FRS2: variants seen among roughly 807,000 people sequenced by gnomAD.
The protein encoded by FRS2 is fibroblast growth factor receptor substrate 2.
In FRS2, 8 loss-of-function variants were observed where a neutral mutation model predicts 43.9. The observed-to-expected ratio is 0.18, with a 90% CI of 0.11 to 0.33. The LOEUF (loss-of-function observed/expected upper bound fraction) is 0.33, where lower values mean the gene tolerates loss of function less well. Among genes scored for constraint, FRS2 ranks in the 10% least tolerant of loss-of-function variants. The pLI is 1.00. For synonymous variants in FRS2, 219 were observed against 220.3 expected (o/e 0.99, Z 0.05); for missense variants, 534 against 627.6 (o/e 0.85, Z 1.59).
chr12:69,481,874 C>T (rs973843569), intron 1 of FRS2, among the ~76,000 whole-genome samples: 1 of 152,102 alleles, frequency 6.6e-6, no homozygotes, highest in Admixed American at 6.5e-5. Context: ...ATACATAATG[C>T]CCACTTGCCC....
intron 3 of FRS2, among the ~76,000 whole-genome samples, chr12:69,557,619 T>TGTGTGTGTGTGTGCGCGC (rs1555192498): frequency 4.0e-4 from 48 of 119,020 alleles, no homozygotes; most frequent in East Asian, 2.2e-3. Context: ...TGTGTGTGTG[T>TGTGTGTGTGTGTGCGCGC]GCGCGCGCGC....
chr12:69,496,684 T>G (rs934789143), intron 1 of FRS2, among the ~76,000 whole-genome samples: 1 of 152,228 alleles, frequency 6.6e-6, no homozygotes, highest in African/African-American at 2.4e-5. Context: ...TTTATCATTA[T>G]TAGGAAACAC....
chr12:69,485,330 C>T (rs1334417083), intron 1 of FRS2, among the ~76,000 whole-genome samples: 1 of 151,862 alleles, frequency 6.6e-6, no homozygotes, highest in East Asian at 1.9e-4. Context: ...CTACAGGCGC[C>T]CGACACCACG....
At position 69,495,040 on chromosome 12, in the gene FRS2, G is replaced by A. The variant is rs190434942; in HGVS notation, c.-261+24510G>A. ...CCCACCTTGGCCTCCCAAAGTGCTGGGATTACAGGCATGAACCACCTCGCC... is the reference window on the plus strand; with the variant it reads ...CCCACCTTGGCCTCCCAAAGTGCTGAGATTACAGGCATGAACCACCTCGCC... On this transcript the variant is annotated intron_variant, in intron 1 of 8. Transcript: ENST00000549921. Among the ~76,000 whole-genome samples the A allele has an allele frequency of 2.6e-5, 4 of 152,168 alleles. No individual in the cohort carries two copies. In the East Asian group the frequency reaches 7.7e-4, roughly 29 times the overall value.
intron 1 of FRS2, among the ~76,000 whole-genome samples, chr12:69,501,841 C>T (rs1056089195): frequency 1.3e-5 from 2 of 152,162 alleles, no homozygotes; most frequent in Non-Finnish European, 2.9e-5. Context: ...AAACACCATT[C>T]TATTGTTGTT....
intron 3 of FRS2, among the ~76,000 whole-genome samples, chr12:69,552,385 A>T (rs114370188): frequency 0.012 from 1,750 of 152,064 alleles, 21 homozygotes; most frequent in South Asian, 0.041. Context: ...CAAAATAACA[A>T]CAATAACAGT....
Position 69,572,297 on chromosome 12 carries a change from T to C in FRS2, c.576+16T>C. The C allele has an allele frequency of 1.3e-6, 2 of 1,597,310 alleles. No individual in the cohort carries two copies. Among genetic ancestry groups the C allele is most frequent in the Non-Finnish European group, 1.7e-6 (2 of 1,165,672 alleles). On this transcript the variant is annotated intron_variant, in intron 8 of 8. Coordinates refer to ENST00000549921, the MANE Select transcript of FRS2 (RefSeq NM_001278356.2). Reference sequence around the variant, plus strand: ...TGAGGAACAAGTAAGCATGTGCTACTGTGTAACAGCAATAATGATTGTTCA... The same window carrying C: ...TGAGGAACAAGTAAGCATGTGCTACCGTGTAACAGCAATAATGATTGTTCA...
chr12:69,515,174 C>T (rs1353947457), intron 1 of FRS2, among the ~76,000 whole-genome samples: 1 of 152,234 alleles, frequency 6.6e-6, no homozygotes, highest in East Asian at 1.9e-4. Context: ...GTGCTAACTA[C>T]TTAATTAAAC....
At chr12:69,495,820 C>G (rs1872829084) in intron 1 of FRS2, among the ~76,000 whole-genome samples, 1 of 152,070 alleles carries the variant, frequency 6.6e-6, no homozygotes, top group Admixed American at 6.5e-5. Context: ...GTAGTCGTAG[C>G]TACTTGGGAG....
At chr12:69,545,711 G>A (rs544687148) in intron 3 of FRS2, among the ~76,000 whole-genome samples, 166 of 144,500 alleles carry the variant, frequency 1.1e-3, no homozygotes, top group African/African-American at 4.0e-3. Flanking sequence ...AGCTGAGATC[G>A]TGCCACTGCA....
chr12:69,517,977 T>G (rs1465746157), intron 1 of FRS2, among the ~76,000 whole-genome samples: 1 of 152,204 alleles, frequency 6.6e-6, no homozygotes, highest in Non-Finnish European at 1.5e-5. Context: ...TTTCCTATAT[T>G]GCATTTATAT....
chr12:69,502,471 C>T (rs979467918), intron 1 of FRS2, among the ~76,000 whole-genome samples: 1 of 151,542 alleles, frequency 6.6e-6, no homozygotes, highest in Non-Finnish European at 1.5e-5. Flanking sequence ...GAGGCTCGAG[C>T]GGTCTTCCCA....
chr12:69,570,530 T>G lies in FRS2; in HGVS notation c.253+13T>G, dbSNP rs1880660269. The G allele has an allele frequency of 6.6e-7, 1 of 1,515,728 alleles. No individual in the cohort carries two copies. The highest frequency in any genetic ancestry group is 9.1e-7 in the Non-Finnish European group (1 of 1,095,060). The allele number at this position is 1,515,728 out of a possible 1,614,324, so 93.9% of individuals were successfully genotyped here. On this transcript the variant is annotated intron_variant, in intron 6 of 8. Transcript: ENST00000549921. ...CAAACTGGACAAGGTAGAACCTTTG[T>G]TTTTTTTCCCAAATATTGTATTTGA...
chr12:69,571,521 T>C, intron 7 of FRS2, 87 bp downstream of exon 7: 1 of 1,032,820 alleles, frequency 9.7e-7, no homozygotes, highest in Non-Finnish European at 1.5e-6. Flanking sequence ...AATAACACAC[T>C]AGAAATCACC....
intron 3 of FRS2, among the ~76,000 whole-genome samples, chr12:69,561,385 T>C (rs1879862276): frequency 1.3e-5 from 2 of 152,346 alleles, no homozygotes; most frequent in South Asian, 4.1e-4. Context: ...TCATTTTGGC[T>C]ATCAATCATA....
chr12:69,488,313 A>G (rs1045264291), intron 1 of FRS2, among the ~76,000 whole-genome samples: 7 of 152,254 alleles, frequency 4.6e-5, no homozygotes, highest in East Asian at 1.9e-4. Flanking sequence ...CCCTTTAGCA[A>G]CCACCACTCT....
intron 3 of FRS2, among the ~76,000 whole-genome samples, chr12:69,551,344 C>A (rs1878854877): frequency 6.6e-6 from 1 of 150,876 alleles, no homozygotes; most frequent in Non-Finnish European, 1.5e-5. Context: ...TGGAGCGAGA[C>A]CCTGTCTCAA....
chr12:69,501,648 T>G (rs149043936), intron 1 of FRS2, among the ~76,000 whole-genome samples: 3 of 152,208 alleles, frequency 2.0e-5, no homozygotes, highest in Admixed American at 6.5e-5. Context: ...TGTAGAAATA[T>G]GCTCCACTGC....
At chr12:69,521,112 T>G (rs921231426) in intron 1 of FRS2, among the ~76,000 whole-genome samples, 2 of 152,208 alleles carry the variant, frequency 1.3e-5, no homozygotes, top group Admixed American at 1.3e-4. Context: ...TGTAGAACTC[T>G]TTTACTCTCC....
Sources: allele counts gnomAD v4.1 joint callset (sites outside exome capture counted in the v4.1 genomes callset), GRCh38; gene constraint gnomAD v4.1.1; transcripts MANE v1.5; gene names NCBI Gene and HGNC (gene_info 2026-07-23, HGNC 2026-07-21).